The following ZBED6 variants were observed in gnomAD, a reference collection of about 807,000 sequenced individuals.
The protein encoded by ZBED6 is zinc finger BED-type containing 6.
In ZBED6, 40 loss-of-function variants were observed where a neutral mutation model predicts 58.4. The observed-to-expected ratio is 0.68, with a 90% CI of 0.53 to 0.89. ZBED6 has a LOEUF of 0.89. ZBED6 is among the 40% of genes least tolerant of loss of function. The pLI is 0.00. For missense variants in ZBED6, 1,057 were observed against 1,003.9 expected (o/e 1.05, Z -0.71); for synonymous variants, 439 against 350.6 (o/e 1.25, Z -2.82).
At chr1:203,842,143 A>G (rs1322519828) in intron 11 of ZBED6, among the ~76,000 whole-genome samples, 3 of 146,878 alleles carry the variant, frequency 2.0e-5, no homozygotes, top group African/African-American at 7.7e-5. Context: ...AGGGCTCCTC[A>G]CATCCCAGAC....
Position 203,798,002 on chromosome 1 carries a change from G to A in ZBED6, c.480G>A (p.Arg160=), listed in dbSNP as rs753873554. The change falls in exon 1 of 17, where the codon AGG becomes AGA. Residue 160 remains arginine, a synonymous_variant. Coordinates refer to ENST00000550078, the Ensembl canonical transcript of ZBED6. ...ACCTCTGTGAGAAAAGCGTCAGCAG[G>A]GGTAAACCAGGTAGCCATCTTGGTA... The A allele has an allele frequency of 7.3e-5, 112 of 1,533,848 alleles. 1 individual carries two copies. In the Middle Eastern group the frequency reaches 1.8e-3, roughly 25 times the overall value.
At chr1:203,803,351 C>T (rs1671107547) in intron 1 of ZBED6, among the ~76,000 whole-genome samples, 1 of 151,924 alleles carries the variant, frequency 6.6e-6, no homozygotes, top group Non-Finnish European at 1.5e-5. Context: ...ACCACTACAC[C>T]GGATAATTTT....
exon 1 of ZBED6, chr1:203,800,762 T>C (rs1670319162): frequency 4.8e-6 from 1 of 207,354 alleles, no homozygotes; most frequent in Non-Finnish European, 9.5e-6. Context: ...TCCTGGTAGA[T>C]TGAACTAGTA....
At chr1:203,809,529 A>C (rs1371149362) in intron 1 of ZBED6, among the ~76,000 whole-genome samples, 1 of 151,956 alleles carries the variant, frequency 6.6e-6, no homozygotes, top group African/African-American at 2.4e-5. Flanking sequence ...TATCCTTTAA[A>C]ACTTGCTGAG....
chr1:203,838,175 G>A, intron 10 of ZBED6, 111 bp downstream of exon 10: 1 of 986,950 alleles, frequency 1.0e-6, no homozygotes, highest in Non-Finnish European at 1.5e-6. Flanking sequence ...AGGTTATCTT[G>A]TATTTGTTAT....
intron 1 of ZBED6, among the ~76,000 whole-genome samples, chr1:203,807,480 G>A (rs1166637841): frequency 1.3e-5 from 2 of 151,278 alleles, no homozygotes; most frequent in African/African-American, 2.4e-5. Flanking sequence ...CTGTTTTTTG[G>A]GTTTGTAATA....
chr1:203,851,901 C>T (rs1172042918), intron 16 of ZBED6, among the ~76,000 whole-genome samples: 1 of 132,192 alleles, frequency 7.6e-6, no homozygotes, highest in Non-Finnish European at 1.5e-5. Flanking sequence ...CCCAGGAGGT[C>T]GAGGCTGCAG....
chr1:203,831,772 G>C lies in ZBED6; in HGVS notation c.*3510+1G>C. The C allele has an allele frequency of 6.2e-7, 1 of 1,609,128 alleles. No individual in the cohort carries two copies. Among genetic ancestry groups the C allele is most frequent in the East Asian group, 2.2e-5 (1 of 44,850 alleles). On this transcript the variant is annotated splice_donor_variant, in intron 8 of 16. Transcript: ENST00000550078. LOFTEE classifies it low-confidence loss of function (3UTR_SPLICE). Reference sequence around the variant, plus strand: ...ACAGTAACTCTCTCCACCAAACAAGGTAAGGTATAGATAGGTCTTAGAGTT... The same window carrying C: ...ACAGTAACTCTCTCCACCAAACAAGCTAAGGTATAGATAGGTCTTAGAGTT...
At chr1:203,818,332 T>G (rs1299936595) in intron 2 of ZBED6, among the ~76,000 whole-genome samples, 1 of 152,186 alleles carries the variant, frequency 6.6e-6, no homozygotes, top group Non-Finnish European at 1.5e-5. Context: ...TTTCAACTCT[T>G]TTTTTCAGCT....
intron 11 of ZBED6, among the ~76,000 whole-genome samples, chr1:203,841,707 T>C (rs144538879): frequency 0.13 from 19,570 of 151,906 alleles, 1,406 homozygotes; most frequent in Non-Finnish European, 0.15. Flanking sequence ...GCAGAGGGGC[T>C]CCTCACTTCC....
intron 11 of ZBED6, among the ~76,000 whole-genome samples, chr1:203,841,630 G>C (rs1363762668): frequency 6.6e-6 from 1 of 152,170 alleles, no homozygotes; most frequent in African/African-American, 2.4e-5. Context: ...CGACAAAACC[G>C]CCTTTGTCAT....
At chr1:203,811,806 A>C (rs1447178564) in intron 1 of ZBED6, among the ~76,000 whole-genome samples, 1 of 149,900 alleles carries the variant, frequency 6.7e-6, no homozygotes, top group Non-Finnish European at 1.5e-5. Flanking sequence ...AAGTATTCAG[A>C]TAGCTTTGTC....
Position 203,829,771 on chromosome 1 carries a change from G to T in ZBED6, c.*3202-9G>T. On this transcript the variant is annotated splice_polypyrimidine_tract_variant and intron_variant, in intron 5 of 16. Transcript: ENST00000550078. ...TAATTGTGAATTTGCCTTAAATGTT[G>T]ATATATAGATCAGTTTTCTGAGGAA... 6.2e-7 allele frequency: 1 copy of T among 1,613,648 alleles called. No individual in the cohort carries two copies.
chr1:203,829,647 T>A, exon 5 of ZBED6: 3 of 1,614,204 alleles, frequency 1.9e-6, no homozygotes, highest in Non-Finnish European at 2.5e-6. Flanking sequence ...ATGATGAAGA[T>A]GATGATGGTA....
chr1:203,801,371 C>T (rs1670511981), exon 1 of ZBED6: 1 of 152,100 alleles, frequency 6.6e-6, no homozygotes, highest in Non-Finnish European at 1.5e-5. Flanking sequence ...TTAATGAAAA[C>T]TAAGCAGTCG....
intron 10 of ZBED6, among the ~76,000 whole-genome samples, chr1:203,839,948 C>T (rs1156449587): frequency 6.7e-6 from 1 of 149,036 alleles, no homozygotes; most frequent in East Asian, 2.0e-4. Context: ...AGATTACAGG[C>T]ATGTGCCACC....
chr1:203,819,845 T>C (rs1677902186), intron 3 of ZBED6, among the ~76,000 whole-genome samples: 1 of 150,930 alleles, frequency 6.6e-6, no homozygotes, highest in Non-Finnish European at 1.5e-5. Flanking sequence ...ACTCCAGCAA[T>C]TTTTTTAAAA....
rs1668917274 is a variant in ZBED6, at chr1:203,797,441, A to G, written c.-82A>G. 9.2e-6 allele frequency: 12 copies of G among 1,301,416 alleles called. No individual in the cohort carries two copies. In the South Asian group the frequency reaches 2.0e-4, roughly 22 times the overall value. 80.6% of individuals were successfully genotyped at this position (1,301,416 alleles called of 1,614,324 possible). A position where few individuals can be genotyped will look rare whatever the true frequency, so the allele number is the denominator to read the frequency against. On this transcript the variant is annotated 5_prime_UTR_variant, in exon 1 of 17. Transcript: ENST00000550078. The stretch of plus-strand genomic sequence containing the variant: ...TAGAAACTGGAGAAAAGGTAATGCA[A>G]GTAGAGAGGAACAGCTGTATTTCTG...
At chr1:203,841,673 C>T (rs1422818338) in intron 11 of ZBED6, among the ~76,000 whole-genome samples, 1 of 152,224 alleles carries the variant, frequency 6.6e-6, no homozygotes, top group Non-Finnish European at 1.5e-5. Context: ...GTTGGGTACA[C>T]CTCCCAGACG....
Sources: allele counts gnomAD v4.1 joint callset (sites outside exome capture counted in the v4.1 genomes callset), GRCh38; gene constraint gnomAD v4.1.1; transcripts MANE v1.5; gene names NCBI Gene and HGNC (gene_info 2026-07-23, HGNC 2026-07-21).